LRRC4C: variants seen among roughly 807,000 people sequenced by gnomAD.
The protein encoded by LRRC4C is leucine-rich repeat-containing protein 4C.
Under a neutral mutation model 33.6 loss-of-function variants are expected in LRRC4C, and 5 were observed. That is an observed-to-expected ratio of 0.15 (90% CI 0.08 to 0.31). The LOEUF is 0.31. LRRC4C is among the 10% of genes least tolerant of loss of function. The pLI, the probability that LRRC4C is intolerant of heterozygous loss-of-function variation, is 1.00. For synonymous variants in LRRC4C, 329 were observed against 302.0 expected (o/e 1.09, Z -0.93); for missense variants, 560 against 796.7 (o/e 0.70, Z 3.58).
At chr11:40,834,099 A>C (rs548155489) in intron 2 of LRRC4C, among the ~76,000 whole-genome samples, 148 of 152,304 alleles carry the variant, frequency 9.7e-4, no homozygotes, top group African/African-American at 3.5e-3. Context: ...TCATGCCATC[A>C]TAGTAATTTG....
At chr11:40,198,802 G>A (rs960414012) in intron 5 of LRRC4C, among the ~76,000 whole-genome samples, 6 of 152,178 alleles carry the variant, frequency 3.9e-5, no homozygotes, top group African/African-American at 1.4e-4. Context: ...ACTTAAAGGG[G>A]ATTTCAGAAT....
At chr11:40,543,629 TGAA>T (rs1956807734) in intron 3 of LRRC4C, among the ~76,000 whole-genome samples, 1 of 152,106 alleles carries the variant, frequency 6.6e-6, no homozygotes, top group Admixed American at 6.6e-5. Flanking sequence ...TTCATTTGTC[TGAA>T]GAAGAAAAAT....
At chr11:40,383,924 A>ATTT (rs1565335994) in intron 3 of LRRC4C, among the ~76,000 whole-genome samples, 1 of 114,552 alleles carries the variant, frequency 8.7e-6, no homozygotes, top group African/African-American at 6.3e-5. Context: ...AATTCAAATT[A>ATTT]TTATTATTAT....
intron 3 of LRRC4C, among the ~76,000 whole-genome samples, chr11:40,561,326 G>C (rs1442420700): frequency 6.6e-6 from 1 of 151,638 alleles, no homozygotes; most frequent in East Asian, 1.9e-4. Flanking sequence ...AATCTCTAAG[G>C]TGTCTTCCAG....
intron 6 of LRRC4C, among the ~76,000 whole-genome samples, chr11:40,135,887 C>T (rs1006414052): frequency 3.3e-5 from 5 of 152,098 alleles, no homozygotes; most frequent in African/African-American, 9.7e-5. Context: ...TCAGTGTGTA[C>T]AAAGTACAAT....
chr11:40,287,411 G>A (rs1220431920), intron 4 of LRRC4C, among the ~76,000 whole-genome samples: 1 of 151,980 alleles, frequency 6.6e-6, no homozygotes, highest in African/African-American at 2.4e-5. Context: ...GTATGTGCAT[G>A]CATTTGAGTT....
At chr11:41,102,467 A>T (rs2135626967) in intron 1 of LRRC4C, among the ~76,000 whole-genome samples, 1 of 152,184 alleles carries the variant, frequency 6.6e-6, no homozygotes, top group Non-Finnish European at 1.5e-5. Context: ...GTCATCCATG[A>T]ATTCGTATTG....
chr11:40,290,056 G>A (rs1167868316), intron 4 of LRRC4C, among the ~76,000 whole-genome samples: 1 of 151,678 alleles, frequency 6.6e-6, no homozygotes, highest in Non-Finnish European at 1.5e-5. Flanking sequence ...ATATATATAT[G>A]TAGAAAATAA....
At chr11:41,334,686 T>A (rs1591292298) in intron 1 of LRRC4C, among the ~76,000 whole-genome samples, 3 of 152,126 alleles carry the variant, frequency 2.0e-5, no homozygotes, top group African/African-American at 7.2e-5. Context: ...AAATAAATAA[T>A]TTTTTTAAAA....
chr11:40,781,413 A>G (rs1208013921), intron 2 of LRRC4C, among the ~76,000 whole-genome samples: 8 of 152,162 alleles, frequency 5.3e-5, no homozygotes, highest in Non-Finnish European at 1.5e-5. Context: ...TGAGTTCACA[A>G]AAATCCCAAG....
At chr11:40,694,623 A>G (rs1945398905) in intron 2 of LRRC4C, among the ~76,000 whole-genome samples, 1 of 152,144 alleles carries the variant, frequency 6.6e-6, no homozygotes, top group Non-Finnish European at 1.5e-5. Context: ...ATACAGAGAC[A>G]TTACAGAACT....
intron 2 of LRRC4C, among the ~76,000 whole-genome samples, chr11:40,701,062 A>G (rs1945841778): frequency 6.6e-6 from 1 of 152,154 alleles, no homozygotes; most frequent in Non-Finnish European, 1.5e-5. Flanking sequence ...AATATACATC[A>G]TATGGCTTCA....
At chr11:41,161,280 T>A (rs1944459753) in intron 1 of LRRC4C, among the ~76,000 whole-genome samples, 2 of 152,116 alleles carry the variant, frequency 1.3e-5, no homozygotes, top group South Asian at 4.1e-4. Context: ...ACATGAGAAA[T>A]CCTATGTCAA....
At chr11:40,951,777 C>T (rs994033908) in intron 1 of LRRC4C, among the ~76,000 whole-genome samples, 2 of 151,812 alleles carry the variant, frequency 1.3e-5, no homozygotes, top group Non-Finnish European at 2.9e-5. Context: ...TAATATACCT[C>T]GGTAAGACAA....
intron 1 of LRRC4C, among the ~76,000 whole-genome samples, chr11:40,945,017 G>GTTTTTTT (rs1958327148): frequency 3.7e-5 from 5 of 134,656 alleles, no homozygotes; most frequent in African/African-American, 1.4e-4. Flanking sequence ...CAACTTTGCA[G>GTTTTTTT]TTTTTCTTTT....
At chr11:41,300,248 A>C (rs1170405242) in intron 1 of LRRC4C, among the ~76,000 whole-genome samples, 1 of 152,188 alleles carries the variant, frequency 6.6e-6, no homozygotes, top group Non-Finnish European at 1.5e-5. Context: ...GGAGAGCTTC[A>C]TTTGCAACAT....
intron 4 of LRRC4C, among the ~76,000 whole-genome samples, chr11:40,282,966 C>T (rs1341805435): frequency 2.0e-5 from 3 of 152,106 alleles, no homozygotes; most frequent in Non-Finnish European, 4.4e-5. Context: ...TATATTAGTC[C>T]ATTTATGGAC....
intron 2 of LRRC4C, among the ~76,000 whole-genome samples, chr11:40,757,965 T>A (rs1174779202): frequency 6.6e-6 from 1 of 152,058 alleles, no homozygotes; most frequent in Non-Finnish European, 1.5e-5. Context: ...GTTTTACACC[T>A]GAGGCTCTGA....
intron 1 of LRRC4C, among the ~76,000 whole-genome samples, chr11:41,244,597 G>A (rs1031417150): frequency 1.3e-5 from 2 of 152,202 alleles, no homozygotes; most frequent in Non-Finnish European, 2.9e-5. Flanking sequence ...AACAGTAGAG[G>A]AGAAGGTCTT....
Sources: allele counts gnomAD v4.1 joint callset (sites outside exome capture counted in the v4.1 genomes callset), GRCh38; gene constraint gnomAD v4.1.1; transcripts MANE v1.5; gene names NCBI Gene and HGNC (gene_info 2026-07-23, HGNC 2026-07-21).